Variants in ATE1 observed in about 807,000 individuals in gnomAD.
ATE1 encodes arginyl-tRNA--protein transferase 1.
In ATE1, 36 loss-of-function variants were observed where a neutral mutation model predicts 70.5. The ratio of observed to expected loss-of-function variants is 0.51; its 90% CI spans 0.39 to 0.67. The LOEUF is 0.67. ATE1 is among the 30% of genes least tolerant of loss of function. The pLI is 0.00. For missense variants in ATE1, 593 were observed against 629.5 expected (o/e 0.94, Z 0.62); for synonymous variants, 232 against 219.3 (o/e 1.06, Z -0.51).
intron 11 of ATE1, among the ~76,000 whole-genome samples, chr10:121,761,507 T>A (rs550366587): frequency 6.6e-6 from 1 of 152,330 alleles, no homozygotes; most frequent in African/African-American, 2.4e-5. Context: ...CTTAATAGAC[T>A]ACAGCATAAT....
At chr10:121,807,464 T>TAA (rs1947141553) in intron 10 of ATE1, among the ~76,000 whole-genome samples, 3 of 152,212 alleles carry the variant, frequency 2.0e-5, no homozygotes, top group Admixed American at 2.0e-4. Flanking sequence ...CCCAGTTTGG[T>TAA]AATACATGTT....
At chr10:121,790,993 C>T (rs1442762667) in intron 10 of ATE1, among the ~76,000 whole-genome samples, 1 of 146,176 alleles carries the variant, frequency 6.8e-6, no homozygotes, top group African/African-American at 2.5e-5. Context: ...TGTATACATA[C>T]ATATATGTGT....
intron 7 of ATE1, among the ~76,000 whole-genome samples, chr10:121,886,508 G>T (rs970345308): frequency 6.6e-6 from 1 of 152,094 alleles, no homozygotes; most frequent in Non-Finnish European, 1.5e-5. Context: ...TCCTGTCCAG[G>T]GTGAGTGTCC....
intron 7 of ATE1, among the ~76,000 whole-genome samples, chr10:121,876,992 C>T (rs1019351838): frequency 1.3e-5 from 2 of 151,714 alleles, no homozygotes; most frequent in African/African-American, 2.4e-5. Flanking sequence ...AATTGTGTTG[C>T]TTTCCAACAT....
chr10:121,835,197 G>A (rs1270522886), intron 10 of ATE1, among the ~76,000 whole-genome samples: 2 of 152,002 alleles, frequency 1.3e-5, no homozygotes, highest in African/African-American at 4.8e-5. Flanking sequence ...AAATTCAGGG[G>A]TTATCTCCCT....
rs1950867150 is a variant in ATE1 at position 121,898,714 on chromosome 10, T to C, written c.942+1152A>G. On this transcript the variant is annotated intron_variant, in intron 7 of 11. Coordinates refer to ENST00000224652, the MANE Select transcript of ATE1 (RefSeq NM_001001976.3). ...AAAATGCTCACATGTATGAGTCATG[T>C]GAGTGTTCACAGAAGTTCAGTAATA... is the stretch of plus-strand genomic sequence containing the variant. 14 of 1,109,332 alleles carry C rather than the reference T, an allele frequency of 1.3e-5. No individual in the cohort carries two copies. The South Asian group carries it at 1.3e-4, about 10-fold the overall frequency. 68.7% of individuals were successfully genotyped at this position (1,109,332 alleles called of 1,614,324 possible).
At chr10:121,829,111 G>C (rs548787391) in intron 10 of ATE1, among the ~76,000 whole-genome samples, 1 of 152,154 alleles carries the variant, frequency 6.6e-6, no homozygotes, top group Admixed American at 6.5e-5. Context: ...CTAACAGGCT[G>C]CTCCTTCTTG....
intron 6 of ATE1, 100 bp downstream of exon 6, chr10:121,902,291 T>C (rs1320999926): frequency 2.9e-6 from 3 of 1,044,130 alleles, no homozygotes; most frequent in Non-Finnish European, 4.1e-6. Flanking sequence ...ATTATTTAAC[T>C]AGCAAACATC....
intron 10 of ATE1, among the ~76,000 whole-genome samples, chr10:121,816,979 T>C (rs1947567156): frequency 6.6e-6 from 1 of 152,260 alleles, no homozygotes; most frequent in African/African-American, 2.4e-5. Context: ...AGGGTATTTC[T>C]ACTGTTCATT....
intron 3 of ATE1, among the ~76,000 whole-genome samples, chr10:121,917,163 C>G (rs1564964007): frequency 6.8e-6 from 1 of 146,598 alleles, no homozygotes. Context: ...AACTCCATCT[C>G]AAAAAAAAAA....
chr10:121,770,224 CAA>C (rs1365068202), intron 11 of ATE1, among the ~76,000 whole-genome samples: 12 of 83,766 alleles, frequency 1.4e-4, no homozygotes, highest in East Asian at 3.2e-4. Context: ...ATAAGAAAGA[CAA>C]GAGAGAAACA....
intron 8 of ATE1, among the ~76,000 whole-genome samples, chr10:121,847,442 T>C (rs1303890815): frequency 6.7e-6 from 1 of 148,200 alleles, no homozygotes; most frequent in African/African-American, 2.5e-5. Context: ...AGCGAGACTC[T>C]GTCTCAAAAA....
intron 8 of ATE1, among the ~76,000 whole-genome samples, chr10:121,842,805 A>G (rs918271946): frequency 9.2e-5 from 14 of 152,160 alleles, no homozygotes; most frequent in Non-Finnish European, 1.9e-4. Flanking sequence ...CCCAACACCT[A>G]TTCATGACTA....
At chr10:121,861,763 A>AG (rs112712395) in intron 8 of ATE1, among the ~76,000 whole-genome samples, 1 of 147,678 alleles carries the variant, frequency 6.8e-6, no homozygotes, top group African/African-American at 2.6e-5. Context: ...AAAAAAAAAA[A>AG]GAGATATATG....
At chr10:121,927,102 T>C (rs537718285) in intron 1 of ATE1, 2 of 985,278 alleles carry the variant, frequency 2.0e-6, no homozygotes, top group African/African-American at 1.7e-5. Flanking sequence ...GGCAAATGCA[T>C]GGCAAGAGAG....
intron 6 of ATE1, among the ~76,000 whole-genome samples, chr10:121,900,840 G>T (rs1214259369): frequency 6.6e-6 from 1 of 152,100 alleles, no homozygotes; most frequent in African/African-American, 2.4e-5. Flanking sequence ...TTGGCCTCCT[G>T]AATACATTAC....
intron 10 of ATE1, among the ~76,000 whole-genome samples, chr10:121,808,420 C>T (rs969873770): frequency 2.6e-5 from 4 of 152,078 alleles, no homozygotes; most frequent in Admixed American, 6.6e-5. Context: ...AGATGGGGTT[C>T]GACAGCAAGA....
intron 8 of ATE1, among the ~76,000 whole-genome samples, chr10:121,842,898 A>G (rs1412958244): frequency 2.0e-5 from 3 of 152,196 alleles, no homozygotes; most frequent in Non-Finnish European, 2.9e-5. Context: ...AGCTCACAGC[A>G]TACTCACTAG....
At chr10:121,763,677 A>G (rs148080343) in intron 11 of ATE1, among the ~76,000 whole-genome samples, 35 of 152,314 alleles carry the variant, frequency 2.3e-4, no homozygotes, top group African/African-American at 7.9e-4. Flanking sequence ...CACGTCATAC[A>G]TGTCATTAGA....
Sources: gnomAD v4.1 joint callset for allele counts (sites outside exome capture counted in the v4.1 genomes callset) on GRCh38, gnomAD v4.1.1 for gene constraint, MANE v1.5 for transcripts, NCBI Gene and HGNC (gene_info 2026-07-23, HGNC 2026-07-21) for gene names.